OPRM1: variants seen among roughly 807,000 people sequenced by gnomAD.
OPRM1 encodes opioid receptor mu 1, also known as mu-type opioid receptor.
A neutral mutation model predicts 31.8 loss-of-function variants in OPRM1; 27 were observed. That is an observed-to-expected ratio of 0.85 (90% CI 0.63 to 1.17). The LOEUF is 1.17. Ranked by LOEUF, OPRM1 falls within the 50% of genes most tolerant of loss-of-function variation. The pLI, the probability that OPRM1 is intolerant of heterozygous loss-of-function variation, is 0.00. For synonymous variants in OPRM1, 196 were observed against 189.9 expected (o/e 1.03, Z -0.26); for missense variants, 536 against 511.1 (o/e 1.05, Z -0.47).
rs547925395 is a variant in OPRM1 at position 154,177,953 on chromosome 6, G to A, written c.1165-68740G>A. 1.2e-3 allele frequency among the ~76,000 whole-genome samples: 182 copies of A among 152,220 alleles called. 1 individual carries two copies. The highest frequency in any genetic ancestry group is 3.4e-3 in the Admixed American group (52 of 15,290). On this transcript the variant is annotated intron_variant, in intron 3 of 3. Transcript: ENST00000337049. The stretch of plus-strand genomic sequence containing the variant: ...TCACATATACACCATGGGATACTAC[G>A]CAGCCATAAAAAAGGATGAGTTCAT...
chr6:154,035,032 TA>T (rs963669873), upstream of OPRM1, among the ~76,000 whole-genome samples: 1 of 152,186 alleles, frequency 6.6e-6, no homozygotes, highest in Non-Finnish European at 1.5e-5. Flanking sequence ...CAACAGGATA[TA>T]AAAAGCCAAA....
At chr6:154,224,044 A>G (rs1378889027) in intron 3 of OPRM1, among the ~76,000 whole-genome samples, 2 of 152,222 alleles carry the variant, frequency 1.3e-5, no homozygotes, top group African/African-American at 4.8e-5. Flanking sequence ...CTGAGCCACA[A>G]CAAAGCTAGA....
Position 154,238,338 on chromosome 6 carries a change from C to T in OPRM1, c.1165-8355C>T, listed in dbSNP as rs558670074. Among the ~76,000 whole-genome samples the T allele has an allele frequency of 2.0e-5, 3 of 152,288 alleles. No homozygotes were observed. The South Asian group carries it at 6.2e-4, about 32-fold the overall frequency. On this transcript the variant is annotated intron_variant, in intron 3 of 3. Transcript: ENST00000337049. ...TGGCGCTGTCTCGGCTCACTGCAACCTCTGCCTCCCAGGTTCAAGCGATTC... is the reference window on the plus strand; with the variant it reads ...TGGCGCTGTCTCGGCTCACTGCAACTTCTGCCTCCCAGGTTCAAGCGATTC...
chr6:154,090,860 GC>G, intron 2 of OPRM1, 91 bp from the exon 3 acceptor site: 1 of 1,159,330 alleles, frequency 8.6e-7, no homozygotes, highest in Non-Finnish European at 1.2e-6. Flanking sequence ...TCTGGTCAAG[GC>G]TAAAAATGAA....
intron 3 of OPRM1, among the ~76,000 whole-genome samples, chr6:154,153,694 A>AC (rs1798606661): frequency 6.6e-6 from 1 of 151,596 alleles, no homozygotes; most frequent in African/African-American, 2.4e-5. Context: ...CAAAAAAAAA[A>AC]AAAAAAAGCC....
intron 3 of OPRM1, among the ~76,000 whole-genome samples, chr6:154,170,220 G>A (rs919142742): frequency 1.3e-5 from 2 of 152,144 alleles, no homozygotes; most frequent in Non-Finnish European, 2.9e-5. Context: ...AATACAATGA[G>A]ATTTCTTTTT....
intron 3 of OPRM1, chr6:154,199,623 CAAAT>C: frequency 2.0e-6 from 3 of 1,512,142 alleles, no homozygotes; most frequent in Non-Finnish European, 2.7e-6. Flanking sequence ...CATATACAAA[CAAAT>C]ATTCACTCTC....
intron 1 of OPRM1, among the ~76,000 whole-genome samples, chr6:154,089,113 T>C (rs1301755195): frequency 6.6e-6 from 1 of 152,204 alleles, no homozygotes; most frequent in Non-Finnish European, 1.5e-5. Flanking sequence ...CATGTGTTTG[T>C]GTACATACCT....
In OPRM1 at chr6:154,046,072, G is replaced by C. The variant is rs150856538; in HGVS notation, c.290+6238G>C. Among the ~76,000 whole-genome samples, 591 of 152,194 alleles carry C rather than the reference G, an allele frequency of 3.9e-3. 2 individuals carry two copies. Among genetic ancestry groups the C allele is most frequent in the African/African-American group, 0.013 (521 of 41,534 alleles). ...TCACACTCTGCTGAATATCCTTCCTGTTATTTTATAATTGGTGACTATACG... is the reference window on the plus strand; with the variant it reads ...TCACACTCTGCTGAATATCCTTCCTCTTATTTTATAATTGGTGACTATACG... On this transcript the variant is annotated intron_variant, in intron 1 of 3. Coordinates refer to ENST00000330432, the MANE Select transcript of OPRM1 (RefSeq NM_000914.5).
chr6:154,137,790 A>G (rs766870744), intron 3 of OPRM1, among the ~76,000 whole-genome samples: 11 of 152,266 alleles, frequency 7.2e-5, no homozygotes, highest in Non-Finnish European at 1.2e-4. Context: ...AAATAGAAGT[A>G]TGAAATCGAA....
intron 1 of OPRM1, among the ~76,000 whole-genome samples, chr6:154,072,006 G>A (rs191882102): frequency 6.6e-6 from 1 of 152,306 alleles, no homozygotes; most frequent in African/African-American, 2.4e-5. Context: ...TAGCAACCAG[G>A]CTGCTTCCCA....
chr6:154,118,598 T>A (rs1797115404), intron 3 of OPRM1, 85 bp from the exon 4 acceptor site: 2 of 1,342,604 alleles, frequency 1.5e-6, no homozygotes, highest in Admixed American at 1.7e-5. Flanking sequence ...TTCAATGCAG[T>A]TCTTACGAGC....
intron 3 of OPRM1, among the ~76,000 whole-genome samples, chr6:154,139,223 C>T (rs76205799): frequency 0.013 from 1,981 of 152,278 alleles, 40 homozygotes; most frequent in African/African-American, 0.046. Flanking sequence ...GTAAGGTGAC[C>T]CATTGATAGG....
intron 3 of OPRM1, among the ~76,000 whole-genome samples, chr6:154,144,268 A>G (rs909182330): frequency 6.6e-6 from 1 of 152,248 alleles, no homozygotes; most frequent in Admixed American, 6.5e-5. Context: ...TCAATTCTAC[A>G]CAATCTCTTT....
At chr6:154,049,359 T>C (rs1386271544) in intron 1 of OPRM1, among the ~76,000 whole-genome samples, 1 of 152,168 alleles carries the variant, frequency 6.6e-6, no homozygotes, top group Non-Finnish European at 1.5e-5. Flanking sequence ...CACGTGTTTA[T>C]AGTACAAGCT....
chr6:154,228,055 C>CTTCCTCCTCATT (rs1779405442), intron 3 of OPRM1, among the ~76,000 whole-genome samples: 2 of 152,140 alleles, frequency 1.3e-5, no homozygotes, highest in African/African-American at 4.8e-5. Context: ...GTGTTCTTCT[C>CTTCCTCCTCATT]TTCCTCCTCC....
intron 1 of OPRM1, among the ~76,000 whole-genome samples, chr6:154,085,480 C>T (rs1790316696): frequency 6.6e-6 from 1 of 152,120 alleles, no homozygotes; most frequent in South Asian, 2.1e-4. Flanking sequence ...ATACCTACTA[C>T]AAAAATTTTA....
intron 1 of OPRM1, among the ~76,000 whole-genome samples, chr6:154,058,424 T>A (rs1190162878): frequency 6.6e-6 from 1 of 152,228 alleles, no homozygotes; most frequent in Non-Finnish European, 1.5e-5. Flanking sequence ...TTTGGAAAGA[T>A]AATTGGTCAA....
rs190450820 is a variant in OPRM1, at chr6:154,125,083, C to A, written c.*6362C>A. On this transcript the variant is annotated 3_prime_UTR_variant, in exon 4 of 4. Coordinates refer to ENST00000330432, the MANE Select transcript of OPRM1 (RefSeq NM_000914.5). The stretch of plus-strand genomic sequence containing the variant: ...AAACTTCTGTCCTGTGGGAGCAATA[C>A]AAAACTATACCAGTTTTTTGTTAGT... 8.1e-4 allele frequency among the ~76,000 whole-genome samples: 123 copies of A among 152,226 alleles called. No homozygotes were observed. Among genetic ancestry groups the A allele is most frequent in the Middle Eastern group, 3.4e-3 (1 of 294 alleles).
Sources: allele counts gnomAD v4.1 joint callset (sites outside exome capture counted in the v4.1 genomes callset), GRCh38; gene constraint gnomAD v4.1.1; transcripts MANE v1.5; gene names NCBI Gene and HGNC (gene_info 2026-07-23, HGNC 2026-07-21).